The following CWC27 variants were observed in gnomAD, a reference collection of about 807,000 sequenced individuals.
The protein encoded by CWC27 is spliceosome-associated protein CWC27 homolog.
In CWC27, 47 loss-of-function variants were observed where a neutral mutation model predicts 63.6. The observed-to-expected ratio is 0.74, with a 90% confidence interval of 0.58 to 0.94. The LOEUF (loss-of-function observed/expected upper bound fraction) is 0.94. Among genes scored for constraint, CWC27 ranks in the 40% least tolerant of loss-of-function variants. The pLI is 0.00. For missense variants in CWC27, 495 were observed against 554.3 expected, an observed-to-expected ratio of 0.89 and a Z score of 1.07; for synonymous variants, 175 against 179.8, an observed-to-expected ratio of 0.97 and a Z score of 0.22.
At chr5:64,785,687 C>A in intron 5 of CWC27, 108 bp downstream of exon 5, 3 of 604,062 alleles carry the variant, frequency 5.0e-6, no homozygotes, top group Non-Finnish European at 8.5e-6. Context: ...ATGTTAACAT[C>A]ACAACTCAAA....
chr5:65,016,900 C>T (rs926399153), intron 13 of CWC27, among the ~76,000 whole-genome samples: 1 of 152,098 alleles, frequency 6.6e-6, no homozygotes, highest in African/African-American at 2.4e-5. Context: ...ATTTGGGTTT[C>T]ATCTGAAAGT....
intron 10 of CWC27, among the ~76,000 whole-genome samples, chr5:64,824,152 A>G (rs995409008): frequency 6.6e-6 from 1 of 152,210 alleles, no homozygotes; most frequent in Non-Finnish European, 1.5e-5. Context: ...TTTATTGCTT[A>G]GGAAAACATC....
chr5:64,849,631 T>C (rs1319622185), intron 10 of CWC27, among the ~76,000 whole-genome samples: 1 of 152,112 alleles, frequency 6.6e-6, no homozygotes, highest in African/African-American at 2.4e-5. Flanking sequence ...GTCATTGATA[T>C]GGTTTGGCTG....
chr5:64,850,619 G>C (rs183313684), intron 10 of CWC27, among the ~76,000 whole-genome samples: 136 of 152,206 alleles, frequency 8.9e-4, no homozygotes, highest in Admixed American at 8.1e-3. Flanking sequence ...ACAGTGTGCA[G>C]AGTCAAACTA....
At chr5:64,997,892 T>C (rs968966354) in intron 13 of CWC27, among the ~76,000 whole-genome samples, 1 of 152,208 alleles carries the variant, frequency 6.6e-6, no homozygotes, top group Admixed American at 6.5e-5. Context: ...AAGGTTGTGA[T>C]AAAATGAAGC....
chr5:64,831,546 A>C (rs2112264683), intron 10 of CWC27, among the ~76,000 whole-genome samples: 1 of 152,070 alleles, frequency 6.6e-6, no homozygotes, highest in Middle Eastern at 3.4e-3. Context: ...ATATAGATAT[A>C]GATATTTACT....
chr5:64,941,301 C>T (rs1277238040), intron 11 of CWC27, among the ~76,000 whole-genome samples: 1 of 152,144 alleles, frequency 6.6e-6, no homozygotes, highest in Non-Finnish European at 1.5e-5. Context: ...TAGGCTCTCT[C>T]AGTAAACAGC....
chr5:64,996,730 G>A (rs1317882873), intron 13 of CWC27, among the ~76,000 whole-genome samples: 1 of 151,976 alleles, frequency 6.6e-6, no homozygotes, highest in African/African-American at 2.4e-5. Flanking sequence ...TCTTGTTTGT[G>A]ATTTTGTATT....
intron 10 of CWC27, among the ~76,000 whole-genome samples, chr5:64,851,722 G>A (rs1746137782): frequency 1.3e-5 from 2 of 151,998 alleles, no homozygotes; most frequent in Admixed American, 6.6e-5. Flanking sequence ...TGTTTGAAAG[G>A]CATCAAACTT....
At chr5:64,808,373 C>A (rs1021007696) in intron 10 of CWC27, 14 of 972,758 alleles carry the variant, frequency 1.4e-5, no homozygotes, top group Non-Finnish European at 1.6e-5. Flanking sequence ...CCTATGTGCA[C>A]CCTTTTCACA....
chr5:65,005,751 T>TA (rs1749830737), intron 13 of CWC27, among the ~76,000 whole-genome samples: 1 of 152,204 alleles, frequency 6.6e-6, no homozygotes, highest in Middle Eastern at 3.2e-3. Context: ...AAGAGAACCC[T>TA]AAGTTACTTG....
intron 10 of CWC27, among the ~76,000 whole-genome samples, chr5:64,807,217 A>C (rs1315345317): frequency 6.6e-6 from 1 of 152,208 alleles, no homozygotes. Context: ...GAGCCGTTCA[A>C]AGTATAATTT....
At chr5:64,910,035 T>C (rs965178124) in intron 11 of CWC27, among the ~76,000 whole-genome samples, 4 of 152,228 alleles carry the variant, frequency 2.6e-5, no homozygotes, top group Non-Finnish European at 5.9e-5. Flanking sequence ...TTTCAGCTTT[T>C]CTGCTCTGGT....
intron 11 of CWC27, among the ~76,000 whole-genome samples, chr5:64,886,723 A>G (rs1439591601): frequency 6.6e-6 from 1 of 152,148 alleles, no homozygotes; most frequent in Non-Finnish European, 1.5e-5. Context: ...GATATTATAC[A>G]TACTTCATGA....
chr5:64,880,854 A>ATTTTTTTTTTTTTTTT (rs35152901), intron 10 of CWC27, among the ~76,000 whole-genome samples: 1 of 136,032 alleles, frequency 7.4e-6, no homozygotes, highest in African/African-American at 2.7e-5. Context: ...TATAAAAGCC[A>ATTTTTTTTTTTTTTTT]TTTTTTTTTT....
At chr5:64,824,728 CTTT>C (rs768576527) in intron 10 of CWC27, among the ~76,000 whole-genome samples, 16 of 91,984 alleles carry the variant, frequency 1.7e-4, no homozygotes, top group African/African-American at 6.7e-4. Context: ...TTTCTTTTCT[CTTT>C]TTTTTTTTTT....
intron 11 of CWC27, among the ~76,000 whole-genome samples, chr5:64,944,277 T>C (rs1748545675): frequency 6.6e-6 from 1 of 152,044 alleles, no homozygotes; most frequent in Non-Finnish European, 1.5e-5. Context: ...TAAAGAAATA[T>C]ACATGCTTGT....
chr5:64,926,765 G>A (rs867826452), intron 11 of CWC27, among the ~76,000 whole-genome samples: 94 of 152,230 alleles, frequency 6.2e-4, no homozygotes, highest in African/African-American at 2.2e-3. Flanking sequence ...TTCCCAGACA[G>A]TGCTATTTCA....
At chr5:64,951,899 C>T (rs553281093) in intron 11 of CWC27, among the ~76,000 whole-genome samples, 1 of 151,960 alleles carries the variant, frequency 6.6e-6, no homozygotes, top group East Asian at 1.9e-4. Flanking sequence ...TGATGCACTT[C>T]CAAATATGTG....
Sources: allele counts gnomAD v4.1 joint callset (sites outside exome capture counted in the v4.1 genomes callset), GRCh38; gene constraint gnomAD v4.1.1; transcripts MANE v1.5; gene names NCBI Gene and HGNC (gene_info 2026-07-23, HGNC 2026-07-21).